SNX14: variants seen among roughly 807,000 people sequenced by gnomAD.
The protein encoded by SNX14 is sorting nexin-14.
In SNX14, 93 loss-of-function variants were observed where a neutral mutation model predicts 133.8. The ratio of observed to expected loss-of-function variants is 0.70; its 90% confidence interval spans 0.59 to 0.83. The LOEUF is 0.83. SNX14 is among the 40% of genes least tolerant of loss of function. SNX14 has a pLI of 0.00. For missense variants in SNX14, 945 were observed against 1,094.9 expected (o/e 0.86, Z 1.93); for synonymous variants, 368 against 365.6 (o/e 1.01, Z -0.07).
chr6:85,570,084 T>A (rs1795075358), intron 4 of SNX14, among the ~76,000 whole-genome samples: 1 of 152,162 alleles, frequency 6.6e-6, no homozygotes, highest in Admixed American at 6.5e-5. Context: ...TATACCTTAA[T>A]TTTTTTCCAT....
At chr6:85,558,364 A>G (rs913713442) in intron 6 of SNX14, among the ~76,000 whole-genome samples, 1 of 152,258 alleles carries the variant, frequency 6.6e-6, no homozygotes, top group Non-Finnish European at 1.5e-5. Flanking sequence ...AAACTCCAGT[A>G]ACTTATTATC....
intron 7 of SNX14, among the ~76,000 whole-genome samples, chr6:85,552,675 T>C (rs929227614): frequency 1.3e-5 from 2 of 152,148 alleles, no homozygotes; most frequent in East Asian, 1.9e-4. Flanking sequence ...ATAACATATA[T>C]CTTTGAATTA....
intron 16 of SNX14, among the ~76,000 whole-genome samples, chr6:85,537,585 A>C (rs1279883015): frequency 6.6e-6 from 1 of 152,236 alleles, no homozygotes; most frequent in East Asian, 1.9e-4. Context: ...AGCCAAAAGT[A>C]GCAAAAATGT....
At chr6:85,538,269 GT>G (rs5877939) in intron 16 of SNX14, among the ~76,000 whole-genome samples, 31 of 151,726 alleles carry the variant, frequency 2.0e-4, no homozygotes, top group African/African-American at 2.2e-4. Context: ...TACAATTAGG[GT>G]TTTTTTTAAT....
At chr6:85,511,676 G>A (rs1194157834) in intron 26 of SNX14, among the ~76,000 whole-genome samples, 1 of 152,180 alleles carries the variant, frequency 6.6e-6, no homozygotes, top group Non-Finnish European at 1.5e-5. Context: ...TCTTTAGCCT[G>A]CTGATGTGAT....
intron 23 of SNX14, among the ~76,000 whole-genome samples, chr6:85,514,974 CATG>C (rs1774292472): frequency 6.6e-6 from 1 of 151,938 alleles, no homozygotes; most frequent in Admixed American, 6.6e-5. Context: ...TTAAAACTAA[CATG>C]ATTTAGGCCA....
chr6:85,546,476 C>T (rs189496990), intron 12 of SNX14, among the ~76,000 whole-genome samples: 7 of 152,164 alleles, frequency 4.6e-5, no homozygotes, highest in African/African-American at 1.7e-4. Flanking sequence ...TTAGTCAAAA[C>T]AATCCTTTAC....
chr6:85,530,899 G>A (rs1425422208), intron 18 of SNX14, among the ~76,000 whole-genome samples: 2 of 150,826 alleles, frequency 1.3e-5, no homozygotes, highest in African/African-American at 4.9e-5. Context: ...CCAAAATGAT[G>A]TATTTCATAA....
intron 4 of SNX14, among the ~76,000 whole-genome samples, chr6:85,571,300 C>A (rs1468117263): frequency 1.4e-5 from 2 of 143,456 alleles, no homozygotes; most frequent in African/African-American, 5.2e-5. Context: ...GCAGAGGTTG[C>A]AATGAGGTGA....
chr6:85,516,389 G>A (rs1775001271), intron 23 of SNX14, among the ~76,000 whole-genome samples: 1 of 152,026 alleles, frequency 6.6e-6, no homozygotes, highest in Non-Finnish European at 1.5e-5. Flanking sequence ...CATGACTCAT[G>A]AAGTAATAAA....
At chr6:85,568,954 T>G (rs1269472347) in intron 4 of SNX14, among the ~76,000 whole-genome samples, 3 of 152,028 alleles carry the variant, frequency 2.0e-5, no homozygotes, top group Non-Finnish European at 2.9e-5. Flanking sequence ...TCCTAAGTAG[T>G]GCTTTTCTTT....
rs779857525 is a variant in SNX14, at chr6:85,514,088, G to A, written c.2539C>T (p.Leu847Phe). 4 of 1,613,016 alleles carry A rather than the reference G, an allele frequency of 2.5e-6. No homozygotes were observed. In the Admixed American group the frequency reaches 6.7e-5, roughly 27 times the overall value. The change falls in exon 25 of 29, where the codon CTC (leucine) becomes TTC (phenylalanine). Residue 847 changes from leucine to phenylalanine, a missense_variant. Around this residue, in one of 3 missense-constraint regions of SNX14, gnomAD observed 412 missense variants for 516.6 expected, o/e 0.80. Coordinates refer to ENST00000314673, the MANE Select transcript of SNX14 (RefSeq NM_153816.6). ...QLFQEHRLVS[L>F]ITLLRDAIFC... The stretch of plus-strand genomic sequence containing the variant: ...TACAAACCTCTGAGAAGTGTTATGA[G>A]TGAGACCAAACGGTGCTCCTGAAAT...
intron 13 of SNX14, 109 bp downstream of exon 13, chr6:85,543,496 G>T: frequency 9.3e-7 from 1 of 1,074,932 alleles, no homozygotes; most frequent in South Asian, 1.6e-5. Flanking sequence ...TAGTAAAATA[G>T]AATAATAGCT....
chr6:85,579,366 A>G (rs944700070), intron 1 of SNX14, among the ~76,000 whole-genome samples: 3 of 152,212 alleles, frequency 2.0e-5, no homozygotes, highest in South Asian at 2.1e-4. Context: ...AAGATAGCCA[A>G]ATAGAAGGCT....
chr6:85,547,230 G>C lies in SNX14; in HGVS notation c.994-4C>G, dbSNP rs570050551. On this transcript the variant is annotated splice_region_variant and splice_polypyrimidine_tract_variant and intron_variant, in intron 11 of 28. Coordinates refer to ENST00000314673, the MANE Select transcript of SNX14 (RefSeq NM_153816.6). ...GCTTCAATTCTAACTTCAGCACCTT[G>C]ATATAAGAGAAAGATTAAGTTTAAG... 6.8e-6 allele frequency: 11 copies of C among 1,612,786 alleles called. No homozygotes were observed. Among genetic ancestry groups the C allele is most frequent in the East Asian group, 4.5e-5 (2 of 44,858 alleles).
intron 21 of SNX14, among the ~76,000 whole-genome samples, chr6:85,518,738 T>C (rs1268043616): frequency 2.0e-5 from 3 of 152,216 alleles, no homozygotes; most frequent in Non-Finnish European, 4.4e-5. Flanking sequence ...ATAAAAATAC[T>C]GTTTTGTGAC....
At chr6:85,523,291 G>A (rs550793741) in intron 21 of SNX14, among the ~76,000 whole-genome samples, 5 of 152,272 alleles carry the variant, frequency 3.3e-5, no homozygotes, top group Admixed American at 2.0e-4. Flanking sequence ...GAAGATTAAC[G>A]TGGCTATGTT....
At chr6:85,523,792 G>A (rs1392613939) in intron 21 of SNX14, among the ~76,000 whole-genome samples, 1 of 151,794 alleles carries the variant, frequency 6.6e-6, no homozygotes, top group Non-Finnish European at 1.5e-5. Context: ...GTGAGAGCAT[G>A]GGAGAGAAAA....
At chr6:85,532,052 A>C (rs1471238748) in intron 18 of SNX14, among the ~76,000 whole-genome samples, 1 of 152,124 alleles carries the variant, frequency 6.6e-6, no homozygotes, top group Non-Finnish European at 1.5e-5. Context: ...TTAAATTAAA[A>C]AATAAAATAA....
Sources: gnomAD v4.1 joint callset for allele counts (sites outside exome capture counted in the v4.1 genomes callset) on GRCh38, gnomAD v4.1.1 for gene constraint, gnomAD v4.1.1 regional missense constraint, MANE v1.5 for transcripts, NCBI Gene and HGNC (gene_info 2026-07-23, HGNC 2026-07-21) for gene names.